The following ARHGAP26 variants were observed in gnomAD, a reference collection of about 807,000 sequenced individuals.
The protein encoded by ARHGAP26 is rho GTPase-activating protein 26.
Under a neutral mutation model 104.8 loss-of-function variants are expected in ARHGAP26, and 38 were observed. The observed-to-expected ratio is 0.36, with a 90% CI of 0.28 to 0.48. The LOEUF (loss-of-function observed/expected upper bound fraction) is 0.48, where lower values mean the gene tolerates loss of function less well. Ranked by LOEUF, ARHGAP26 falls within the 20% of genes least tolerant of loss-of-function variation. The pLI, the probability that ARHGAP26 is intolerant of heterozygous loss-of-function variation, is 0.99. For missense variants in ARHGAP26, 704 were observed against 947.9 expected (o/e 0.74, Z 3.38); for synonymous variants, 341 against 340.0 (o/e 1.00, Z -0.03).
rs1275768861 is a variant in ARHGAP26 at position 143,227,523 on chromosome 5, TGAC to T, written c.*5078_*5080del. 1 of 230,504 alleles carries T rather than the reference TGAC, an allele frequency of 4.3e-6. No individual in the cohort carries two copies. The highest frequency in any genetic ancestry group is 2.2e-5 in the African/African-American group (1 of 45,020). The allele number at this position is 230,504 out of a possible 1,614,324, so 14.3% of individuals were successfully genotyped here. On this transcript the variant is annotated 3_prime_UTR_variant, in exon 23 of 23. Transcript: ENST00000645722. ...CCTCTCTGTAATTGTAGCATCAAAA[TGAC>T]AACAGCAGCAGAGCAGCGAATCTTG...
chr5:142,799,981 T>G (rs761436682), intron 1 of ARHGAP26, among the ~76,000 whole-genome samples: 11 of 152,228 alleles, frequency 7.2e-5, no homozygotes, highest in Non-Finnish European at 2.9e-5. Flanking sequence ...GTCACTGGCC[T>G]GATGTAGTGG....
At chr5:143,009,363 G>A (rs532529686) in intron 11 of ARHGAP26, among the ~76,000 whole-genome samples, 5 of 152,270 alleles carry the variant, frequency 3.3e-5, no homozygotes, top group African/African-American at 9.6e-5. Context: ...GTGGTTAGTG[G>A]TTAAGTGCTT....
chr5:142,887,746 A>G (rs1757926881), intron 5 of ARHGAP26, among the ~76,000 whole-genome samples: 1 of 152,088 alleles, frequency 6.6e-6, no homozygotes, highest in South Asian at 2.1e-4. Flanking sequence ...ATCTAACACT[A>G]AAGAGGTAAA....
intron 20 of ARHGAP26, among the ~76,000 whole-genome samples, chr5:143,197,272 C>T (rs896756127): frequency 6.6e-6 from 1 of 152,268 alleles, no homozygotes; most frequent in African/African-American, 2.4e-5. Flanking sequence ...GGTATCTTCA[C>T]CTTTGCTAGA....
intron 11 of ARHGAP26, among the ~76,000 whole-genome samples, chr5:143,001,607 C>T (rs1598573517): frequency 6.6e-6 from 1 of 152,208 alleles, no homozygotes; most frequent in Non-Finnish European, 1.5e-5. Flanking sequence ...AGTAAATGTG[C>T]TGTTCTGGCT....
At position 143,223,185 on chromosome 5, in the gene ARHGAP26, AC is replaced by A. The variant is rs1337806791; in HGVS notation, c.*741del. On this transcript the variant is annotated 3_prime_UTR_variant, in exon 23 of 23. Transcript: ENST00000645722. ...GCAACCCAACCTACTCTAAAACCAA[AC>A]CAAAAAAATAAAATAACACATCCTC... The A allele has an allele frequency of 2.6e-5, 6 of 232,826 alleles. No homozygotes were observed. Among genetic ancestry groups the A allele is most frequent in the Non-Finnish European group, 5.1e-5 (6 of 117,654 alleles). The allele number at this position is 232,826 out of a possible 1,614,324, so 14.4% of individuals were successfully genotyped here. A position where few individuals can be genotyped will look rare whatever the true frequency, so the allele number is the denominator to read the frequency against.
Position 142,916,309 on chromosome 5 carries a change from A to T in ARHGAP26, c.1028+3016A>T, listed in dbSNP as rs566809789. Among the ~76,000 whole-genome samples the T allele has an allele frequency of 3.9e-5, 6 of 152,362 alleles. No homozygotes were observed. The South Asian group carries it at 1.2e-3, about 32-fold the overall frequency. On this transcript the variant is annotated intron_variant, in intron 10 of 22. Transcript: ENST00000645722. ...CTGATATATCATGTTATTTTGTAAC[A>T]AAAGCTGTATCCTTTAGGAGGTGAT...
At chr5:142,929,030 A>C (rs530792871) in intron 10 of ARHGAP26, among the ~76,000 whole-genome samples, 2 of 152,210 alleles carry the variant, frequency 1.3e-5, no homozygotes, top group East Asian at 3.9e-4. Context: ...CTCCGCCTCC[A>C]GGGTTCAAGC....
intron 11 of ARHGAP26, among the ~76,000 whole-genome samples, chr5:142,950,472 A>T (rs1360792491): frequency 6.6e-6 from 1 of 151,932 alleles, no homozygotes; most frequent in East Asian, 1.9e-4. Context: ...TCAATGCTGC[A>T]TGTTCTTTTT....
chr5:142,950,240 G>A (rs762570466), intron 11 of ARHGAP26, among the ~76,000 whole-genome samples: 1 of 152,114 alleles, frequency 6.6e-6, no homozygotes. Flanking sequence ...AGCTGAAGGC[G>A]GAGAGAGAGG....
chr5:142,820,078 G>C (rs1008887067), intron 1 of ARHGAP26, among the ~76,000 whole-genome samples: 1 of 152,172 alleles, frequency 6.6e-6, no homozygotes, highest in African/African-American at 2.4e-5. Flanking sequence ...TTTATTAAAG[G>C]TTCCAATTTC....
intron 20 of ARHGAP26, among the ~76,000 whole-genome samples, chr5:143,185,452 C>A (rs1430466306): frequency 1.3e-5 from 2 of 151,914 alleles, no homozygotes; most frequent in Non-Finnish European, 2.9e-5. Flanking sequence ...ATGGGGCATC[C>A]CTCCTTTTTT....
chr5:143,047,813 AT>A (rs985169620), intron 14 of ARHGAP26, among the ~76,000 whole-genome samples: 13 of 151,910 alleles, frequency 8.6e-5, no homozygotes, highest in East Asian at 3.9e-4. Flanking sequence ...TCTTAAAAAA[AT>A]TTTTTTTGTT....
At chr5:142,880,894 T>G (rs547940737) in intron 4 of ARHGAP26, among the ~76,000 whole-genome samples, 1 of 149,688 alleles carries the variant, frequency 6.7e-6, no homozygotes, top group East Asian at 1.9e-4. Flanking sequence ...AAAGAGGGAC[T>G]GTGGCAAAGA....
At chr5:143,078,599 T>G (rs1789375586) in intron 17 of ARHGAP26, among the ~76,000 whole-genome samples, 1 of 152,206 alleles carries the variant, frequency 6.6e-6, no homozygotes, top group Non-Finnish European at 1.5e-5. Context: ...CAGAGAAAAC[T>G]TTTCAGGAAT....
At chr5:143,145,288 G>A (rs1799023916) in intron 19 of ARHGAP26, among the ~76,000 whole-genome samples, 1 of 152,172 alleles carries the variant, frequency 6.6e-6, no homozygotes, top group Non-Finnish European at 1.5e-5. Context: ...TAAGAATTCT[G>A]AGAATTATGC....
In ARHGAP26 at chr5:142,986,330, C is replaced by A. The variant is rs747030871; in HGVS notation, c.1108-27750C>A. On this transcript the variant is annotated intron_variant, in intron 11 of 22. Transcript: ENST00000645722. ...CTTTTGAGAAGTGTCTGTTCATATT[C>A]TTTGCCCACTTTTTGATGGGGTTGT... is the stretch of plus-strand genomic sequence containing the variant. Among the ~76,000 whole-genome samples, 31 of 152,278 alleles carry A rather than the reference C, an allele frequency of 2.0e-4. No homozygotes were observed. In the South Asian group the frequency reaches 4.4e-3, roughly 21 times the overall value.
chr5:143,184,565 G>A (rs1455590305), intron 20 of ARHGAP26, among the ~76,000 whole-genome samples: 1 of 152,188 alleles, frequency 6.6e-6, no homozygotes, highest in Non-Finnish European at 1.5e-5. Context: ...CTGATGGACT[G>A]GGGGAAGCCA....
chr5:143,024,121 G>A (rs1398036608), intron 12 of ARHGAP26, among the ~76,000 whole-genome samples: 6 of 152,176 alleles, frequency 3.9e-5, no homozygotes, highest in African/African-American at 1.2e-4. Context: ...GCCCTGGCTC[G>A]GAGGGCAGGG....
Sources: allele counts gnomAD v4.1 joint callset (sites outside exome capture counted in the v4.1 genomes callset), GRCh38; gene constraint gnomAD v4.1.1; transcripts MANE v1.5; gene names NCBI Gene and HGNC (gene_info 2026-07-23, HGNC 2026-07-21).